The following NBDY variants were observed in gnomAD, a reference collection of about 807,000 sequenced individuals.
NBDY encodes the protein P-body dissociating protein.
intron 2 of NBDY, among the ~76,000 whole-genome samples, chrX:56,810,171 G>T (rs1261274968): frequency 9.0e-6 from 1 of 111,290 alleles, no homozygotes; most frequent in East Asian, 2.8e-4. Flanking sequence ...CTCTCTGTCT[G>T]CCCTTAATAT....
chrX:56,736,464 C>T (rs2069494282), intron 2 of NBDY, among the ~76,000 whole-genome samples: 2 of 111,029 alleles, frequency 1.8e-5, no homozygotes, highest in African/African-American at 3.3e-5. Flanking sequence ...CGGGGTTTCA[C>T]CATGTTGGTC....
chrX:56,734,584 A>G (rs1176223899), intron 2 of NBDY, among the ~76,000 whole-genome samples: 2 of 111,751 alleles, frequency 1.8e-5, no homozygotes, highest in African/African-American at 3.3e-5. Context: ...CCAAAACACA[A>G]AACAGGGAGA....
chrX:56,799,615 G>A (rs1367057977), intron 2 of NBDY, among the ~76,000 whole-genome samples: 2 of 113,416 alleles, frequency 1.8e-5, no homozygotes, highest in East Asian at 5.6e-4. Flanking sequence ...ACTGGAAGAA[G>A]GCAAGTGTCC....
intron 2 of NBDY, among the ~76,000 whole-genome samples, chrX:56,792,382 A>T (rs768459418): frequency 1.3e-4 from 15 of 111,172 alleles, no homozygotes; most frequent in Non-Finnish European, 2.6e-4. Context: ...CCATGTGAAC[A>T]CATTGATCTG....
intron 2 of NBDY, among the ~76,000 whole-genome samples, chrX:56,757,258 G>A (rs1202763241): frequency 8.9e-6 from 1 of 111,954 alleles, no homozygotes; most frequent in Admixed American, 9.4e-5. Flanking sequence ...TTGTAGAAGT[G>A]CATCTTGTAC....
chrX:56,817,198 C>A lies in NBDY; in HGVS notation c.*167-122C>A, dbSNP rs188654816. 4.0e-3 allele frequency: 454 copies of A among 112,205 alleles called. 2 individuals are homozygous for A. The highest frequency in any genetic ancestry group is 0.014 in the African/African-American group (436 of 30,912). 9.2% of individuals were successfully genotyped at this position (112,205 alleles called of 1,213,427 possible). A position where few individuals can be genotyped will look rare whatever the true frequency, so the allele number is the denominator to read the frequency against. On this transcript the variant is annotated intron_variant, in intron 2 of 2. Coordinates refer to ENST00000374922, the MANE Select transcript of NBDY (RefSeq NM_001348129.2). Reference sequence around the variant, plus strand: ...AGCACTCATCTAATAATTTTGCATTCTCTTTAACTTGCTTAATAGGGAAAT... The same window carrying A: ...AGCACTCATCTAATAATTTTGCATTATCTTTAACTTGCTTAATAGGGAAAT...
At chrX:56,790,172 G>A (rs755629352) in intron 2 of NBDY, among the ~76,000 whole-genome samples, 6 of 112,637 alleles carry the variant, frequency 5.3e-5, no homozygotes, top group African/African-American at 1.9e-4. Context: ...AGCCATGACC[G>A]CGTTGCTCTA....
chrX:56,782,330 TCTC>T (rs1485828756), intron 2 of NBDY, among the ~76,000 whole-genome samples: 1 of 110,818 alleles, frequency 9.0e-6, no homozygotes, highest in Non-Finnish European at 1.9e-5. Context: ...CTTCTTTCCT[TCTC>T]CTCTTCTTTT....
At chrX:56,758,902 G>A (rs2069624683) in intron 2 of NBDY, among the ~76,000 whole-genome samples, 1 of 111,840 alleles carries the variant, frequency 8.9e-6, no homozygotes, top group Non-Finnish European at 1.9e-5. Flanking sequence ...GGGTCTCCAG[G>A]CAGACATGCA....
chrX:56,757,501 C>T (rs752245236), intron 2 of NBDY, among the ~76,000 whole-genome samples: 2 of 111,482 alleles, frequency 1.8e-5, no homozygotes, highest in African/African-American at 3.3e-5. Context: ...ACTTGACATC[C>T]GAAAAACAAA....
In NBDY at chrX:56,762,053, C is replaced by T. The variant is rs766706116; in HGVS notation, c.*166+29854C>T. On this transcript the variant is annotated intron_variant, in intron 2 of 2. Transcript: ENST00000374922. ...TATTTGTGGATCAAAGCTTTTGATC[C>T]GACTCACAAGGGATCCCATCAACAA... 1.9e-3 allele frequency among the ~76,000 whole-genome samples: 208 copies of T among 110,574 alleles called. 1 individual carries two copies. Among genetic ancestry groups the T allele is most frequent in the African/African-American group, 6.8e-3 (205 of 30,282 alleles).
chrX:56,734,192 G>A (rs770712037), intron 2 of NBDY, among the ~76,000 whole-genome samples: 49 of 111,745 alleles, frequency 4.4e-4, no homozygotes, highest in Admixed American at 1.0e-3. Flanking sequence ...TATTCAGACC[G>A]TGATAACTCA....
At chrX:56,816,525 AAC>A (rs754640685) in intron 2 of NBDY, among the ~76,000 whole-genome samples, 1 of 111,397 alleles carries the variant, frequency 9.0e-6, no homozygotes, top group African/African-American at 3.2e-5. Context: ...AACATCTTTC[AAC>A]AGTTAAAATT....
chrX:56,739,973 T>C (rs1318326959), intron 2 of NBDY, among the ~76,000 whole-genome samples: 1 of 111,857 alleles, frequency 8.9e-6, no homozygotes, highest in Non-Finnish European at 1.9e-5. Context: ...GGTAGAGCTT[T>C]TTCTCCATTT....
chrX:56,793,002 T>C (rs1232239911), intron 2 of NBDY, among the ~76,000 whole-genome samples: 1 of 111,517 alleles, frequency 9.0e-6, no homozygotes, highest in East Asian at 2.8e-4. Flanking sequence ...GTGGCCTTCC[T>C]CAGCCTCCCT....
chrX:56,785,154 A>G (rs757810367), intron 2 of NBDY, among the ~76,000 whole-genome samples: 15 of 111,231 alleles, frequency 1.3e-4, no homozygotes, highest in African/African-American at 4.9e-4. Flanking sequence ...TCCAGGAAGA[A>G]GACTCACATG....
At chrX:56,737,630 A>G in intron 2 of NBDY, 1 of 390,575 alleles carries the variant, frequency 2.6e-6, no homozygotes, top group Admixed American at 3.7e-5. Flanking sequence ...TACAAAAATT[A>G]TACACTGGCT....
At chrX:56,732,480 T>C (rs1441446590) in intron 2 of NBDY, among the ~76,000 whole-genome samples, 1 of 111,869 alleles carries the variant, frequency 8.9e-6, no homozygotes, top group Non-Finnish European at 1.9e-5. Flanking sequence ...ACATGATTGA[T>C]ATTTTTGTAT....
chrX:56,737,195 T>C, intron 2 of NBDY: 1 of 725,802 alleles, frequency 1.4e-6, no homozygotes, highest in Non-Finnish European at 2.2e-6. Context: ...TTGTTTCAAG[T>C]TTAACCATCT....
Sources: gnomAD v4.1 joint callset for allele counts (sites outside exome capture counted in the v4.1 genomes callset) on GRCh38, gnomAD v4.1.1 for gene constraint, MANE v1.5 for transcripts, NCBI Gene and HGNC (gene_info 2026-07-23, HGNC 2026-07-21) for gene names.